The following CCDC33 variants were observed in gnomAD, a reference collection of about 807,000 sequenced individuals.
The protein encoded by CCDC33 is coiled-coil domain-containing protein 33.
Under a neutral mutation model 91.9 loss-of-function variants are expected in CCDC33, and 94 were observed. The ratio of observed to expected loss-of-function variants is 1.02; its 90% CI spans 0.87 to 1.21. The LOEUF (loss-of-function observed/expected upper bound fraction) is 1.21. Among genes scored for constraint, CCDC33 ranks in the 50% most tolerant of loss-of-function variants. The pLI is 0.00. For missense variants in CCDC33, 940 were observed against 935.5 expected, an observed-to-expected ratio of 1.00 and a Z score of -0.06; for synonymous variants, 396 against 374.5, an observed-to-expected ratio of 1.06 and a Z score of -0.66.
At chr15:74,271,643 G>T in intron 5 of CCDC33, 60 bp from the exon 6 acceptor site, 2 of 1,326,102 alleles carry the variant, frequency 1.5e-6, no homozygotes, top group East Asian at 2.3e-5. Flanking sequence ...CTGGCTGGCT[G>T]TCTCTGGAAG....
intron 2 of CCDC33, among the ~76,000 whole-genome samples, chr15:74,229,087 C>T (rs141403657): frequency 3.5e-4 from 54 of 152,318 alleles, no homozygotes; most frequent in African/African-American, 1.2e-3. Flanking sequence ...GTCACCCCCA[C>T]CCCCAGGCTC....
intron 3 of CCDC33, among the ~76,000 whole-genome samples, chr15:74,263,679 G>A (rs937753799): frequency 4.6e-5 from 7 of 152,246 alleles, no homozygotes; most frequent in African/African-American, 1.7e-4. Flanking sequence ...GTGCCTGTGT[G>A]TGCATGTCTT....
chr15:74,221,230 T>TG (rs2074587469), intron 2 of CCDC33: 1 of 977,966 alleles, frequency 1.0e-6, no homozygotes, highest in South Asian at 4.8e-5. Flanking sequence ...TTTTTTTTTT[T>TG]TTTTTTTTTT....
At chr15:74,228,569 A>G (rs1041570714) in intron 2 of CCDC33, among the ~76,000 whole-genome samples, 1 of 152,122 alleles carries the variant, frequency 6.6e-6, no homozygotes, top group East Asian at 1.9e-4. Flanking sequence ...TGATTGTGGG[A>G]GCAGTTGAGG....
At chr15:74,257,013 C>G (rs1395275169) in intron 2 of CCDC33, among the ~76,000 whole-genome samples, 4 of 152,216 alleles carry the variant, frequency 2.6e-5, no homozygotes, top group African/African-American at 9.6e-5. Context: ...TTTCCCAGAG[C>G]AGCCCCCATG....
intron 10 of CCDC33, 53 bp downstream of exon 10, chr15:74,281,902 A>G (rs2059374220): frequency 1.3e-6 from 2 of 1,495,020 alleles, no homozygotes; most frequent in Non-Finnish European, 1.9e-6. Flanking sequence ...TGTCAGTGAG[A>G]TCCAACTTCC....
At chr15:74,203,699 C>T (rs1206994263) in intron 1 of CCDC33, among the ~76,000 whole-genome samples, 1 of 152,184 alleles carries the variant, frequency 6.6e-6, no homozygotes, top group Non-Finnish European at 1.5e-5. Context: ...GACAGTTCAG[C>T]GGGGACACAG....
At position 74,315,693 on chromosome 15, in the gene CCDC33, A is replaced by G. The variant is rs147288098; in HGVS notation, c.1291-14496A>G. ...CAGAATGGATCTGCAGAGATGGGGGAAGGCGACTCTGTCCTGTAGGTGGGG... is the reference window on the plus strand; with the variant it reads ...CAGAATGGATCTGCAGAGATGGGGGGAGGCGACTCTGTCCTGTAGGTGGGG... On this transcript the variant is annotated intron_variant, in intron 11 of 18. Coordinates refer to ENST00000398814, the MANE Select transcript of CCDC33 (RefSeq NM_025055.5). Among the ~76,000 whole-genome samples the G allele has an allele frequency of 2.5e-3, 376 of 152,244 alleles. 4 individuals carry two copies. Among genetic ancestry groups the G allele is most frequent in the South Asian group, 4.4e-3 (21 of 4,816 alleles).
chr15:74,291,385 G>T (rs79125880), intron 10 of CCDC33, among the ~76,000 whole-genome samples: 1,744 of 152,366 alleles, frequency 0.011, 41 homozygotes, highest in African/African-American at 0.04. Context: ...GGAGAAAATT[G>T]CATCAGGCCT....
chr15:74,229,437 G>C (rs1473882135), intron 2 of CCDC33, among the ~76,000 whole-genome samples: 1 of 152,166 alleles, frequency 6.6e-6, no homozygotes, highest in Non-Finnish European at 1.5e-5. Context: ...AGGTTGCAGT[G>C]AGCCAAGATC....
chr15:74,230,406 C>T (rs1389040356), intron 2 of CCDC33, among the ~76,000 whole-genome samples: 2 of 152,170 alleles, frequency 1.3e-5, no homozygotes, highest in Non-Finnish European at 2.9e-5. Context: ...TCATTGCTCA[C>T]TCCTTTATTC....
intron 1 of CCDC33, chr15:74,209,039 C>A (rs891794702): frequency 8.6e-7 from 1 of 1,160,672 alleles, no homozygotes; most frequent in Non-Finnish European, 1.1e-6. Context: ...CTGCTCCTCC[C>A]GGAAGGCAGC....
chr15:74,332,635 A>G, intron 15 of CCDC33, 44 bp from the exon 16 acceptor site: 1 of 1,600,742 alleles, frequency 6.2e-7, no homozygotes. Flanking sequence ...GGACATGGGA[A>G]GCAGGAGAGC....
upstream of CCDC33, among the ~76,000 whole-genome samples, chr15:74,235,053 C>A (rs2075104936): frequency 1.3e-5 from 2 of 152,188 alleles, no homozygotes; most frequent in Non-Finnish European, 1.5e-5. Context: ...GCCACTGAGA[C>A]CTTTCCACAC....
Position 74,330,861 on chromosome 15 carries a change from C to T in CCDC33, c.1545+110C>T, listed in dbSNP as rs566915548. The T allele has an allele frequency of 1.2e-4, 182 of 1,507,848 alleles. No homozygotes were observed. In the Admixed American group the frequency reaches 1.6e-3, roughly 13 times the overall value. 93.4% of individuals were successfully genotyped at this position (1,507,848 alleles called of 1,614,324 possible). On this transcript the variant is annotated intron_variant, in intron 13 of 18. Coordinates refer to ENST00000398814, the MANE Select transcript of CCDC33 (RefSeq NM_025055.5). The stretch of plus-strand genomic sequence containing the variant: ...AACAGGCACAGAGGGAATGGAAGCA[C>T]GGAAGAAAGGGGGACCAGCCTGGTG...
At chr15:74,250,884 A>G (rs1202505408) in intron 2 of CCDC33, among the ~76,000 whole-genome samples, 4 of 152,218 alleles carry the variant, frequency 2.6e-5, no homozygotes, top group African/African-American at 7.2e-5. Context: ...TGGTGGTGCT[A>G]GACAGTGTGA....
upstream of CCDC33, among the ~76,000 whole-genome samples, chr15:74,213,946 A>T (rs2074391532): frequency 6.6e-6 from 1 of 152,148 alleles, no homozygotes; most frequent in Non-Finnish European, 1.5e-5. Flanking sequence ...TCTGCACCTC[A>T]GATTCTGCGC....
At chr15:74,278,682 A>T (rs1472171100) in intron 7 of CCDC33, among the ~76,000 whole-genome samples, 2 of 152,146 alleles carry the variant, frequency 1.3e-5, no homozygotes, top group Non-Finnish European at 2.9e-5. Context: ...GAAGACCTTT[A>T]TCCCTCTCTT....
intron 1 of CCDC33, among the ~76,000 whole-genome samples, chr15:74,206,752 G>GAA (rs2074269904): frequency 1.3e-5 from 2 of 152,212 alleles, no homozygotes; most frequent in Middle Eastern, 3.2e-3. Flanking sequence ...AGAATGAATT[G>GAA]ACACGTGTCT....
Sources: gnomAD v4.1 joint callset for allele counts (sites outside exome capture counted in the v4.1 genomes callset) on GRCh38, gnomAD v4.1.1 for gene constraint, MANE v1.5 for transcripts, NCBI Gene and HGNC (gene_info 2026-07-23, HGNC 2026-07-21) for gene names.